OSGIN2: variants seen among roughly 807,000 people sequenced by gnomAD.
The protein encoded by OSGIN2 is oxidative stress induced growth inhibitor family member 2, also known as oxidative stress-induced growth inhibitor 2.
OSGIN2 carries 19 observed loss-of-function variants against 53.8 expected under a neutral mutation model. That is an observed-to-expected ratio of 0.35 (90% CI 0.25 to 0.52). The LOEUF (loss-of-function observed/expected upper bound fraction) is 0.52, where lower values mean the gene tolerates loss of function less well. Among genes scored for constraint, OSGIN2 ranks in the 20% least tolerant of loss-of-function variants. The pLI is 0.95. For synonymous variants in OSGIN2, 236 were observed against 236.0 expected (o/e 1.00, Z 0.00); for missense variants, 520 against 662.7 (o/e 0.78, Z 2.36).
intron 4 of OSGIN2, among the ~76,000 whole-genome samples, chr8:89,916,021 C>A (rs1468205820): frequency 4.0e-5 from 6 of 151,538 alleles, no homozygotes; most frequent in African/African-American, 1.5e-4. Context: ...AACTGTGAAA[C>A]CACCAATACA....
At chr8:89,909,011 CAAAAA>C (rs35635974) in intron 1 of OSGIN2, among the ~76,000 whole-genome samples, 4,378 of 36,744 alleles carry the variant, frequency 0.12, 22 homozygotes, top group East Asian at 0.19. Context: ...ACCTTGTTTC[CAAAAA>C]AAAAAAAAAA....
In OSGIN2 at chr8:89,914,588, C is replaced by T. The variant is rs1333581610; in HGVS notation, c.370C>T (p.Arg124Ter). 6.2e-7 allele frequency: 1 copy of T among 1,613,956 alleles called. No individual in the cohort carries two copies. Among genetic ancestry groups the T allele is most frequent in the Non-Finnish European group, 8.5e-7 (1 of 1,179,864 alleles). The change falls in exon 4 of 6, where the codon CGA becomes TGA. Residue 124 changes from arginine to a stop codon, truncating the protein, a stop_gained. Coordinates refer to ENST00000451899, the MANE Select transcript of OSGIN2 (RefSeq NM_001126111.3). LOFTEE classifies it high-confidence loss of function. ...LEYLSEGLEGRSSNPVAVLFD... is the reference protein window; with the variant it reads ...LEYLSEGLEG ...ATACTTGTCTGAGGGCCTTGAGGGC[C>T]GATCATCCAATCCAGTTGCAGTACT... is the stretch of plus-strand genomic sequence containing the variant.
chr8:89,922,260 A>G (rs923889485), intron 5 of OSGIN2, among the ~76,000 whole-genome samples: 4 of 152,212 alleles, frequency 2.6e-5, no homozygotes, highest in African/African-American at 9.6e-5. Flanking sequence ...TTTCCTTAAT[A>G]TGAGGAAATT....
At chr8:89,905,266 T>C (rs987071679) in intron 1 of OSGIN2, among the ~76,000 whole-genome samples, 7 of 152,246 alleles carry the variant, frequency 4.6e-5, no homozygotes, top group Admixed American at 2.0e-4. Context: ...ACTTGCTTCC[T>C]AACAATAGAG....
In OSGIN2 at chr8:89,925,121, A is replaced by T. The variant is rs760364128; in HGVS notation, c.1239A>T (p.Ser413=). The part of the protein sequence containing the change: ...MMCTQSYSVD[S]NLLSDYTSFP... The stretch of plus-strand genomic sequence containing the variant: ...GTACTCAGTCATATTCTGTAGACTC[A>T]AATCTTTTATCTGATTATACCAGCT... The change falls in exon 6 of 6, where the codon TCA becomes TCT. Residue 413 remains serine, a synonymous_variant. Transcript: ENST00000451899. 5 of 1,614,082 alleles carry T rather than the reference A, an allele frequency of 3.1e-6. 1 individual carries two copies. In the South Asian group the frequency reaches 5.5e-5, roughly 18 times the overall value.
intron 1 of OSGIN2, 30 bp downstream of exon 1, chr8:89,902,867 GC>G: frequency 7.4e-7 from 1 of 1,349,928 alleles, no homozygotes; most frequent in Non-Finnish European, 9.7e-7. Context: ...TGGGAGGGGA[GC>G]AGGCGGGGAT....
At chr8:89,912,099 T>C (rs1808980263) in intron 2 of OSGIN2, among the ~76,000 whole-genome samples, 1 of 152,240 alleles carries the variant, frequency 6.6e-6, no homozygotes, top group Non-Finnish European at 1.5e-5. Context: ...TATATTTTAT[T>C]TGGGGTAACA....
At chr8:89,903,665 A>C (rs1414324774) in intron 1 of OSGIN2, among the ~76,000 whole-genome samples, 2 of 152,232 alleles carry the variant, frequency 1.3e-5, no homozygotes, top group Admixed American at 6.5e-5. Flanking sequence ...ATGGAAAGAA[A>C]GGTATATCAT....
intron 1 of OSGIN2, among the ~76,000 whole-genome samples, chr8:89,907,151 G>A (rs1808856031): frequency 6.6e-6 from 1 of 152,068 alleles, no homozygotes; most frequent in Non-Finnish European, 1.5e-5. Flanking sequence ...CATAGATGCT[G>A]GATATTAGAC....
At chr8:89,921,936 G>A (rs571031845) in intron 5 of OSGIN2, among the ~76,000 whole-genome samples, 186 of 151,826 alleles carry the variant, frequency 1.2e-3, no homozygotes, top group African/African-American at 4.3e-3. Context: ...CCGAAATCGC[G>A]CCACTGGACT....
Position 89,927,176 on chromosome 8 carries a change from C to G in OSGIN2, c.*1644C>G, listed in dbSNP as rs998519118. The G allele has an allele frequency of 4.0e-5, 6 of 151,876 alleles. No individual in the cohort carries two copies. The highest frequency in any genetic ancestry group is 1.5e-4 in the African/African-American group (6 of 41,334). 9.4% of individuals were successfully genotyped at this position (151,876 alleles called of 1,614,324 possible). On this transcript the variant is annotated 3_prime_UTR_variant, in exon 6 of 6. Transcript: ENST00000451899. ...TTAGATGTTTTTCTTACTGTCACTT[C>G]TAAATAGAAAATGACAGTGTTATAA...
chr8:89,912,100 T>TG (rs2130698078), intron 2 of OSGIN2, among the ~76,000 whole-genome samples: 1 of 152,336 alleles, frequency 6.6e-6, no homozygotes, highest in African/African-American at 2.4e-5. Context: ...ATATTTTATT[T>TG]GGGGTAACAT....
intron 5 of OSGIN2, 23 bp downstream of exon 5, chr8:89,921,194 A>C: frequency 7.3e-7 from 1 of 1,369,530 alleles, no homozygotes; most frequent in Non-Finnish European, 1.0e-6. Context: ...CTGTATTAAA[A>C]TTCTTTGGTG....
At position 89,924,856 on chromosome 8, in the gene OSGIN2, T is replaced by G. The variant is rs1280427028; in HGVS notation, c.974T>G (p.Val325Gly). The G allele has an allele frequency of 1.2e-6, 2 of 1,614,196 alleles. No individual in the cohort carries two copies. The highest frequency in any genetic ancestry group is 2.2e-5 in the South Asian group (2 of 91,086). ...LEIEGEDFPF[V>G]FHSMPEFGAA... ...ATTGAAGGGGAAGATTTTCCTTTTG[T>G]GTTTCATTCAATGCCTGAATTTGGA... Residue 325 changes from valine (V) to glycine (G), a missense_variant, in exon 6 of 6, where the codon GTG becomes GGG. Coordinates refer to ENST00000451899, the MANE Select transcript of OSGIN2 (RefSeq NM_001126111.3).
chr8:89,902,856 A>G lies in OSGIN2; in HGVS notation c.44+19A>G. 7.4e-7 allele frequency: 1 copy of G among 1,357,966 alleles called. No homozygotes were observed. Among genetic ancestry groups the G allele is most frequent in the Non-Finnish European group, 9.7e-7 (1 of 1,033,958 alleles). The allele number at this position is 1,357,966 out of a possible 1,614,324, so 84.1% of individuals were successfully genotyped here. On this transcript the variant is annotated intron_variant, in intron 1 of 5. Transcript: ENST00000451899. Reference sequence around the variant, plus strand: ...ATTTCAGGTGACTTCCTCGCCGGGGATGGGAGGGGAGCAGGCGGGGATGCC... The same window carrying G: ...ATTTCAGGTGACTTCCTCGCCGGGGGTGGGAGGGGAGCAGGCGGGGATGCC...
Position 89,926,475 on chromosome 8 carries a change from G to A in OSGIN2, c.*943G>A, listed in dbSNP as rs754973635. 6.6e-6 allele frequency: 1 copy of A among 152,596 alleles called. No homozygotes were observed. The highest frequency in any genetic ancestry group is 6.5e-5 in the Admixed American group (1 of 15,276). 9.5% of individuals were successfully genotyped at this position (152,596 alleles called of 1,614,324 possible). Reference sequence around the variant, plus strand: ...GGGTGTGGTAAGTACTTCGAAAATTGTAATACTGTTTGGGCATTGTCTAAA... The same window carrying A: ...GGGTGTGGTAAGTACTTCGAAAATTATAATACTGTTTGGGCATTGTCTAAA... On this transcript the variant is annotated 3_prime_UTR_variant, in exon 6 of 6. Coordinates refer to ENST00000451899, the MANE Select transcript of OSGIN2 (RefSeq NM_001126111.3).
intron 4 of OSGIN2, among the ~76,000 whole-genome samples, chr8:89,919,638 T>C (rs1809155389): frequency 6.6e-6 from 1 of 152,220 alleles, no homozygotes; most frequent in African/African-American, 2.4e-5. Context: ...GACAGGCTTT[T>C]GTTGGTAATG....
At chr8:89,902,918 C>G in intron 1 of OSGIN2, 81 bp downstream of exon 1, 1 of 1,056,486 alleles carries the variant, frequency 9.5e-7, no homozygotes, top group Non-Finnish European at 1.3e-6. Flanking sequence ...CGGGCCGGGA[C>G]CGGGGTGGAG....
intron 4 of OSGIN2, among the ~76,000 whole-genome samples, chr8:89,917,823 C>T (rs1293995517): frequency 6.6e-6 from 1 of 152,116 alleles, no homozygotes; most frequent in African/African-American, 2.4e-5. Context: ...ACTACTAAGG[C>T]TCACCTTCCA....
Sources: gnomAD v4.1 joint callset for allele counts (sites outside exome capture counted in the v4.1 genomes callset) on GRCh38, gnomAD v4.1.1 for gene constraint, MANE v1.5 for transcripts, NCBI Gene and HGNC (gene_info 2026-07-23, HGNC 2026-07-21) for gene names.